The following SLC9D1 variants were observed in gnomAD, a reference collection of about 807,000 sequenced individuals.
The protein encoded by SLC9D1 is putative LAG1-interacting protein.
the SLC9D1 span, chr13:113,535,265 A>G: frequency 5.3e-5 from 8 of 152,366 alleles, no homozygotes; most frequent in African/African-American, 1.9e-4. This position sits in a 1 kb window ranked among gnomAD's most constrained non-coding sequence, Gnocchi z 4.1. Context: ...GAAAGGTTAA[A>G]AAATAAAGTT....
the SLC9D1 span, chr13:113,496,147 G>A: frequency 4.2e-6 from 3 of 710,934 alleles, no homozygotes; most frequent in East Asian, 2.7e-5. Flanking sequence ...GAGCAGACAG[G>A]AAGGGAAGGC....
chr13:113,531,637 C>T, the SLC9D1 span, among the ~76,000 whole-genome samples: 14 of 142,630 alleles, frequency 9.8e-5, no homozygotes, highest in South Asian at 3.0e-3. Flanking sequence ...GCGCCCCGTA[C>T]GTGCAGATCA....
At chr13:113,496,119 A>C in the SLC9D1 span, 1 of 902,814 alleles carries the variant, frequency 1.1e-6, no homozygotes, top group Non-Finnish European at 1.7e-6. Context: ...TCCTAGAGAC[A>C]GCCCACACGG....
the SLC9D1 span, among the ~76,000 whole-genome samples, chr13:113,546,224 G>A: frequency 6.6e-6 from 1 of 152,228 alleles, no homozygotes; most frequent in Middle Eastern, 3.4e-3. This position sits in a 1 kb window ranked among gnomAD's most constrained non-coding sequence, Gnocchi z 7.1. Context: ...ATTGCAGCAG[G>A]GCAGAGGCAC....
At chr13:113,533,101 C>T in the SLC9D1 span, among the ~76,000 whole-genome samples, 3 of 94,196 alleles carry the variant, frequency 3.2e-5, no homozygotes, top group Non-Finnish European at 6.3e-5. Context: ...AAGGACGCTG[C>T]CTCCCTCCTA....
the SLC9D1 span, chr13:113,505,709 T>C: frequency 6.6e-6 from 1 of 152,254 alleles, no homozygotes; most frequent in Admixed American, 6.5e-5. Flanking sequence ...AAGCAGTCAA[T>C]ACTTTGTCAT....
the SLC9D1 span, chr13:113,503,403 T>A: frequency 1.3e-6 from 1 of 774,556 alleles, no homozygotes; most frequent in Non-Finnish European, 2.2e-6. Flanking sequence ...TTTGGATACT[T>A]CCACCGGGCA....
chr13:113,499,457 CAG>C, the SLC9D1 span, among the ~76,000 whole-genome samples: 728 of 152,210 alleles, frequency 4.8e-3, 2 homozygotes, highest in Non-Finnish European at 8.3e-3. Context: ...ACACCTGTAA[CAG>C]GGGAACATTG....
At chr13:113,533,697 G>C in the SLC9D1 span, among the ~76,000 whole-genome samples, 15 of 152,208 alleles carry the variant, frequency 9.9e-5, no homozygotes, top group Admixed American at 1.3e-4. Context: ...GAGAGCAACC[G>C]CTGCCTGGCG....
At chr13:113,540,649 C>A in the SLC9D1 span, among the ~76,000 whole-genome samples, 1 of 152,118 alleles carries the variant, frequency 6.6e-6, no homozygotes, top group Non-Finnish European at 1.5e-5. Flanking sequence ...TTTGTCAGGT[C>A]CATAGTTTGC....
At chr13:113,503,198 CACAT>C in the SLC9D1 span, among the ~76,000 whole-genome samples, 1 of 152,132 alleles carries the variant, frequency 6.6e-6, no homozygotes, top group African/African-American at 2.4e-5. Context: ...GGCTGGGTAA[CACAT>C]ACAACTGGAT....
the SLC9D1 span, among the ~76,000 whole-genome samples, chr13:113,526,777 T>C: frequency 6.6e-6 from 1 of 152,218 alleles, no homozygotes; most frequent in South Asian, 2.1e-4. Context: ...TACAGTAGTG[T>C]CCAAGGCTCT....
chr13:113,532,625 G>C, the SLC9D1 span, among the ~76,000 whole-genome samples: 2 of 152,260 alleles, frequency 1.3e-5, no homozygotes, highest in Admixed American at 1.3e-4. Flanking sequence ...GCCAGACGTG[G>C]GCCTGGCAGT....
the SLC9D1 span, among the ~76,000 whole-genome samples, chr13:113,522,630 G>A: frequency 1.3e-5 from 2 of 151,964 alleles, no homozygotes; most frequent in African/African-American, 4.8e-5. Context: ...GTGAGCAACC[G>A]CGCCCGGCTG....
chr13:113,539,312 G>A, the SLC9D1 span: 2 of 1,594,872 alleles, frequency 1.3e-6, no homozygotes, highest in African/African-American at 2.7e-5. This position sits in a 1 kb window ranked among gnomAD's most constrained non-coding sequence, Gnocchi z 4.8. Flanking sequence ...GGTGACCCTG[G>A]TGCACTGTGG....
the SLC9D1 span, among the ~76,000 whole-genome samples, chr13:113,511,000 TCGGAAGCC>T: frequency 3.7e-5 from 4 of 109,358 alleles, no homozygotes; most frequent in African/African-American, 1.8e-4. Context: ...GCCGACTCAC[TCGGAAGCC>T]TAGGCAGGAC....
the SLC9D1 span, among the ~76,000 whole-genome samples, chr13:113,507,973 C>CTA: frequency 6.6e-6 from 1 of 152,234 alleles, no homozygotes; most frequent in Non-Finnish European, 1.5e-5. Context: ...GCTTGGTAAC[C>CTA]CACAGATTCT....
chr13:113,543,086 T>TCCTCCCCCTGCCCCCTGCCCTCCCTGTCC, the SLC9D1 span, among the ~76,000 whole-genome samples: 22 of 63,948 alleles, frequency 3.4e-4, no homozygotes, highest in African/African-American at 1.4e-3. Flanking sequence ...TACCTCTGTC[T>TCCTCCCCCTGCCCCCTGCCCTCCCTGTCC]GTGACCCCCA....
the SLC9D1 span, among the ~76,000 whole-genome samples, chr13:113,531,332 T>C: frequency 6.6e-6 from 1 of 152,176 alleles, no homozygotes; most frequent in Admixed American, 6.5e-5. Context: ...TCCACTCACC[T>C]GTCCGCAGGT....
Sources: gnomAD v4.1 joint callset for allele counts (sites outside exome capture counted in the v4.1 genomes callset) on GRCh38, gnomAD v4.1.1 for gene constraint, Gnocchi (gnomAD v3.1) non-coding constraint, MANE v1.5 for transcripts, NCBI Gene and HGNC (gene_info 2026-07-23, HGNC 2026-07-21) for gene names.